SYN3: variants seen among roughly 807,000 people sequenced by gnomAD.
SYN3 encodes synapsin-3.
A neutral mutation model predicts 65.8 loss-of-function variants in SYN3; 35 were observed. The ratio of observed to expected loss-of-function variants is 0.53; its 90% CI spans 0.41 to 0.70. The LOEUF is 0.70. Ranked by LOEUF, SYN3 falls within the 30% of genes least tolerant of loss-of-function variation. The pLI is 0.00. For synonymous variants in SYN3, 270 were observed against 292.9 expected (o/e 0.92, Z 0.80); for missense variants, 680 against 749.0 (o/e 0.91, Z 1.08).
chr22:32,993,456 A>G (rs997028224), intron 2 of SYN3, among the ~76,000 whole-genome samples: 1 of 152,120 alleles, frequency 6.6e-6, no homozygotes, highest in Non-Finnish European at 1.5e-5. Flanking sequence ...CCTGGGTTCA[A>G]GTGATTCTCC....
intron 6 of SYN3, among the ~76,000 whole-genome samples, chr22:32,599,942 G>C (rs561654560): frequency 6.6e-6 from 1 of 152,038 alleles, no homozygotes; most frequent in Non-Finnish European, 1.5e-5. Flanking sequence ...GGTACGTCGC[G>C]GTCATGTGCA....
chr22:32,895,886 T>C (rs1406316478), intron 4 of SYN3, among the ~76,000 whole-genome samples: 1 of 152,186 alleles, frequency 6.6e-6, no homozygotes, highest in African/African-American at 2.4e-5. Flanking sequence ...ACCCAGCCTG[T>C]TATTTAACCT....
chr22:32,733,027 A>G (rs2061290426), intron 6 of SYN3, among the ~76,000 whole-genome samples: 1 of 152,210 alleles, frequency 6.6e-6, no homozygotes, highest in African/African-American at 2.4e-5. Context: ...TTAAACTTTA[A>G]AGTCATGTTC....
chr22:32,783,524 A>G (rs940060063), intron 6 of SYN3, among the ~76,000 whole-genome samples: 1 of 152,140 alleles, frequency 6.6e-6, no homozygotes. Context: ...CAGCCTTGAG[A>G]TTGCTAGTTT....
At chr22:32,631,309 CAAAA>C (rs10606436) in intron 6 of SYN3, among the ~76,000 whole-genome samples, 1 of 133,872 alleles carries the variant, frequency 7.5e-6, no homozygotes, top group Non-Finnish European at 1.6e-5. Context: ...ACGAAACAAG[CAAAA>C]AAAAAAAAAA....
chr22:32,553,575 T>TA (rs1473041851), intron 7 of SYN3, among the ~76,000 whole-genome samples: 2 of 152,192 alleles, frequency 1.3e-5, no homozygotes, highest in African/African-American at 4.8e-5. Flanking sequence ...CAAAGTGTGC[T>TA]ATGAGAGACT....
intron 6 of SYN3, among the ~76,000 whole-genome samples, chr22:32,694,935 C>T (rs2060715849): frequency 6.6e-6 from 1 of 152,200 alleles, no homozygotes; most frequent in Non-Finnish European, 1.5e-5. Context: ...GTTACAATAG[C>T]TTCAGAATTT....
chr22:32,581,796 T>C lies in SYN3; in HGVS notation c.774+14878A>G, dbSNP rs4820081. Among the ~76,000 whole-genome samples the C allele has an allele frequency of 6.7e-3, 284 of 42,686 alleles. 1 individual carries two copies. Among genetic ancestry groups the C allele is most frequent in the East Asian group, 0.021 (24 of 1,132 alleles). The allele number at this position is 42,686 out of a possible 152,430, so 28.0% of individuals were successfully genotyped here. On this transcript the variant is annotated intron_variant, in intron 7 of 13. Transcript: ENST00000358763. ...TTTTCTTTTCTTTCTTTCTTTCTTT[T>C]TTTTTTTTTTTTTTTTTTGAGACAG...
chr22:32,695,660 T>C (rs2060726271), intron 6 of SYN3, among the ~76,000 whole-genome samples: 1 of 152,196 alleles, frequency 6.6e-6, no homozygotes, highest in South Asian at 2.1e-4. Flanking sequence ...TGACTGCTGC[T>C]CCCTTTCTCT....
chr22:32,830,627 T>A (rs1052685898), intron 6 of SYN3, among the ~76,000 whole-genome samples: 21 of 152,160 alleles, frequency 1.4e-4, no homozygotes, highest in African/African-American at 5.1e-4. Context: ...AAAGGAATTC[T>A]CGTTGGAAAA....
intron 6 of SYN3, among the ~76,000 whole-genome samples, chr22:32,640,710 CA>C (rs1269709619): frequency 6.6e-6 from 1 of 151,906 alleles, no homozygotes; most frequent in Non-Finnish European, 1.5e-5. Flanking sequence ...ACTAAAAATA[CA>C]AAAAAATTAG....
chr22:32,542,640 G>A (rs1222254459), intron 7 of SYN3, among the ~76,000 whole-genome samples: 3 of 148,980 alleles, frequency 2.0e-5, no homozygotes, highest in African/African-American at 7.6e-5. Context: ...ATGTGTGTGT[G>A]TGTGTGTGTG....
chr22:33,038,574 G>C (rs112225110), intron 1 of SYN3, among the ~76,000 whole-genome samples: 1 of 152,130 alleles, frequency 6.6e-6, no homozygotes, highest in African/African-American at 2.4e-5. Context: ...AAGCTCTGGG[G>C]GCCTTCAAGA....
intron 6 of SYN3, among the ~76,000 whole-genome samples, chr22:32,800,752 TTCTG>T (rs896708459): frequency 7.9e-5 from 12 of 152,162 alleles, no homozygotes; most frequent in African/African-American, 2.9e-4. Flanking sequence ...CCTTTCTACT[TTCTG>T]TCTTTCAAAC....
At chr22:32,794,392 G>A (rs2046385064) in intron 6 of SYN3, among the ~76,000 whole-genome samples, 1 of 152,156 alleles carries the variant, frequency 6.6e-6, no homozygotes, top group Non-Finnish European at 1.5e-5. Flanking sequence ...GGTTTGCTGA[G>A]CTCTTAGGAT....
chr22:32,536,376 G>T (rs910564819), intron 9 of SYN3, among the ~76,000 whole-genome samples: 2 of 152,216 alleles, frequency 1.3e-5, no homozygotes, highest in East Asian at 3.9e-4. Context: ...GCTGGTTCTG[G>T]ATTAGGTGCA....
intron 6 of SYN3, among the ~76,000 whole-genome samples, chr22:32,734,775 G>C (rs1273308624): frequency 1.3e-5 from 2 of 152,136 alleles, no homozygotes; most frequent in East Asian, 3.9e-4. Context: ...AATCCTCATG[G>C]AACCATGCTT....
intron 4 of SYN3, among the ~76,000 whole-genome samples, chr22:32,893,884 A>G (rs539393125): frequency 1.3e-5 from 2 of 152,134 alleles, no homozygotes; most frequent in South Asian, 4.2e-4. Context: ...CAGTCCTTCA[A>G]CAGTGCACAT....
intron 6 of SYN3, among the ~76,000 whole-genome samples, chr22:32,746,351 A>T (rs2044932861): frequency 6.6e-6 from 1 of 152,268 alleles, no homozygotes; most frequent in South Asian, 2.1e-4. Flanking sequence ...CACATAAAAG[A>T]TGCCCAATAT....
Sources: allele counts gnomAD v4.1 joint callset (sites outside exome capture counted in the v4.1 genomes callset), GRCh38; gene constraint gnomAD v4.1.1; transcripts MANE v1.5; gene names NCBI Gene and HGNC (gene_info 2026-07-23, HGNC 2026-07-21).